COL4A6: variants seen among roughly 807,000 people sequenced by gnomAD.
COL4A6 encodes the protein collagen alpha-6(IV) chain.
In COL4A6, 59 loss-of-function variants were observed where a neutral mutation model predicts 126.7. The observed-to-expected ratio is 0.47, with a 90% CI of 0.38 to 0.58. The LOEUF (loss-of-function observed/expected upper bound fraction) is 0.58, where lower values mean the gene tolerates loss of function less well. COL4A6 is among the 20% of genes least tolerant of loss of function. The probability of loss-of-function intolerance (pLI) is 0.00; values close to 1 mark genes in which losing one functional copy is unlikely to be tolerated. For missense variants in COL4A6, 1,285 were observed against 1,337.3 expected, an observed-to-expected ratio of 0.96 and a Z score of 0.61; for synonymous variants, 547 against 496.6, an observed-to-expected ratio of 1.10 and a Z score of -1.35.
intron 2 of COL4A6, among the ~76,000 whole-genome samples, chrX:108,376,313 C>T (rs1319312401): frequency 9.0e-6 from 1 of 111,115 alleles, no homozygotes; most frequent in African/African-American, 3.3e-5. Context: ...ATTCAAGACA[C>T]GCTGAATGTG....
chrX:108,368,319 A>T (rs1417600990), intron 2 of COL4A6, among the ~76,000 whole-genome samples: 1 of 111,664 alleles, frequency 9.0e-6, no homozygotes, highest in African/African-American at 3.3e-5. Context: ...AACCTAGAAA[A>T]GGCACTGTAA....
chrX:108,267,513 A>G (rs1029602167), intron 3 of COL4A6: 1 of 112,689 alleles, frequency 8.9e-6, no homozygotes, highest in African/African-American at 3.2e-5. Context: ...CACGTAAAGT[A>G]CTTAACATAG....
At chrX:108,209,299 C>T (rs762747930) in intron 8 of COL4A6, among the ~76,000 whole-genome samples, 5 of 112,222 alleles carry the variant, frequency 4.5e-5, no homozygotes, top group South Asian at 3.7e-4. Context: ...GGCATCTCTT[C>T]CTCTAAGTTG....
intron 3 of COL4A6, among the ~76,000 whole-genome samples, chrX:108,279,702 A>C (rs1054241623): frequency 5.4e-5 from 6 of 111,776 alleles, no homozygotes; most frequent in Non-Finnish European, 7.5e-5. Context: ...TTTTTTCAGC[A>C]CCACACCACA....
At chrX:108,291,827 A>G (rs2038169530) in intron 3 of COL4A6, among the ~76,000 whole-genome samples, 2 of 112,132 alleles carry the variant, frequency 1.8e-5, no homozygotes, top group South Asian at 7.5e-4. Context: ...CTGTGGTGAG[A>G]ACTTAGATTA....
chrX:108,391,460 C>A (rs2040837758), intron 2 of COL4A6, among the ~76,000 whole-genome samples: 1 of 111,601 alleles, frequency 9.0e-6, no homozygotes, highest in African/African-American at 3.3e-5. Flanking sequence ...CCAGTTTTAA[C>A]TTCCTGGTGG....
At chrX:108,172,264 C>T (rs778797949) in intron 32 of COL4A6, among the ~76,000 whole-genome samples, 1 of 105,186 alleles carries the variant, frequency 9.5e-6, no homozygotes, top group East Asian at 3.1e-4. Context: ...GCAGGAGAAT[C>T]GCTTGAACCC....
chrX:108,281,674 G>A (rs1365338346), intron 3 of COL4A6, among the ~76,000 whole-genome samples: 1 of 110,939 alleles, frequency 9.0e-6, no homozygotes, highest in Admixed American at 9.6e-5. Flanking sequence ...CCAAAAAAGA[G>A]CCCACATCGC....
rs769241359 is a variant in COL4A6, at chrX:108,171,395, C to T, written c.3269G>A (p.Gly1090Asp). The change falls in exon 33 of 45, where the codon GGT becomes GAT. Residue 1090 changes from glycine to aspartate, a missense_variant. Gly to Asp is a moderately conservative substitution (Grantham distance 94). Transcript: ENST00000334504. ...PGPKGQPGES[G>D]FKGTKGRDGL... ...AAATATAGCAACCTTACCTTTAAAA[C>T]CAGATTCGCCAGGCTGTCCCTTGGG... 8.3e-7 allele frequency: 1 copy of T among 1,209,821 alleles called. No homozygotes were observed. The highest frequency in any genetic ancestry group is 2.2e-5 in the Admixed American group (1 of 45,842).
At chrX:108,175,279 T>C in intron 29 of COL4A6, 64 bp from the exon 30 acceptor site, 4 of 1,079,591 alleles carry the variant, frequency 3.7e-6, no homozygotes, top group Non-Finnish European at 4.9e-6. Flanking sequence ...AAGGCTGACC[T>C]TTCACATCAT....
At chrX:108,291,236 C>A (rs1378454728) in intron 3 of COL4A6, among the ~76,000 whole-genome samples, 1 of 112,271 alleles carries the variant, frequency 8.9e-6, no homozygotes, top group Admixed American at 9.4e-5. Flanking sequence ...TTCTCTTTCT[C>A]TGCATGTCCA....
At chrX:108,425,321 C>T (rs2064056774) in intron 2 of COL4A6, among the ~76,000 whole-genome samples, 1 of 110,525 alleles carries the variant, frequency 9.0e-6, no homozygotes, top group South Asian at 3.9e-4. Context: ...TTCTGTTTAA[C>T]TGCAGAGCAT....
At chrX:108,194,663 G>C (rs141137445) in intron 15 of COL4A6, 76 bp from the exon 16 acceptor site, 1 of 962,261 alleles carries the variant, frequency 1.0e-6, no homozygotes, top group Admixed American at 2.4e-5. Flanking sequence ...ATTAAGCCAG[G>C]GCAAATGGCA....
intron 23 of COL4A6, among the ~76,000 whole-genome samples, chrX:108,181,322 CAGAT>C (rs2034679470): frequency 8.9e-6 from 1 of 112,536 alleles, no homozygotes; most frequent in South Asian, 3.7e-4. Flanking sequence ...ACCCTGCCCT[CAGAT>C]AGAGCCTCTC....
At chrX:108,393,108 T>C (rs1393763736) in intron 2 of COL4A6, among the ~76,000 whole-genome samples, 1 of 111,713 alleles carries the variant, frequency 9.0e-6, no homozygotes, top group South Asian at 3.7e-4. Flanking sequence ...AGAATTGTGA[T>C]TTGACCTATC....
At chrX:108,383,480 G>T in intron 2 of COL4A6, 1 of 441,222 alleles carries the variant, frequency 2.3e-6, no homozygotes, top group East Asian at 4.1e-5. Flanking sequence ...GGTTACCCCA[G>T]AAGCCTGAGG....
At chrX:108,219,012 G>GGT (rs1363363846) in intron 5 of COL4A6, among the ~76,000 whole-genome samples, 4 of 112,143 alleles carry the variant, frequency 3.6e-5, no homozygotes, top group Admixed American at 9.4e-5. Flanking sequence ...TTTAAAGGCT[G>GGT]GTGCAATGCT....
chrX:108,344,427 C>T (rs1176531615), intron 2 of COL4A6, among the ~76,000 whole-genome samples: 2 of 111,261 alleles, frequency 1.8e-5, no homozygotes, highest in Non-Finnish European at 3.8e-5. Flanking sequence ...CTTCATCCAA[C>T]TTGGCAGAAT....
intron 2 of COL4A6, among the ~76,000 whole-genome samples, chrX:108,325,072 C>T (rs192229141): frequency 8.9e-6 from 1 of 111,925 alleles, no homozygotes; most frequent in African/African-American, 3.2e-5. Flanking sequence ...AGCCCTAATC[C>T]CTTCTCATAG....
Sources: gnomAD v4.1 joint callset for allele counts (sites outside exome capture counted in the v4.1 genomes callset) on GRCh38, gnomAD v4.1.1 for gene constraint, MANE v1.5 for transcripts, NCBI Gene and HGNC (gene_info 2026-07-23, HGNC 2026-07-21) for gene names.